ACTN4: variants seen among roughly 807,000 people sequenced by gnomAD.
ACTN4 encodes the protein alpha-actinin-4.
ACTN4 carries 18 observed loss-of-function variants against 114.2 expected under a neutral mutation model. That is an observed-to-expected ratio of 0.16 (90% confidence interval 0.11 to 0.23). The LOEUF (loss-of-function observed/expected upper bound fraction) is 0.23, where lower values mean the gene tolerates loss of function less well. Ranked by LOEUF, ACTN4 falls within the 10% of genes least tolerant of loss-of-function variation. The pLI, the probability that ACTN4 is intolerant of heterozygous loss-of-function variation, is 1.00. For synonymous variants in ACTN4, 515 were observed against 506.3 expected (o/e 1.02, Z -0.23); for missense variants, 722 against 1,262.9 (o/e 0.57, Z 6.49).
In ACTN4 at chr19:38,730,879, C is replaced by T; in HGVS notation, c.*1447C>T. 1 of 1,551,764 alleles carries T rather than the reference C, an allele frequency of 6.4e-7. No individual in the cohort carries two copies. The highest frequency in any genetic ancestry group is 8.7e-7 in the Non-Finnish European group (1 of 1,147,500). On this transcript the variant is annotated 3_prime_UTR_variant, in exon 21 of 21. Coordinates refer to ENST00000252699, the MANE Select transcript of ACTN4 (RefSeq NM_004924.6). ...AGGAGAAGGTGGCCACCTCCATCCACTAAGGAAGAGAAGGAAGACAGTGGC... is the reference window on the plus strand; with the variant it reads ...AGGAGAAGGTGGCCACCTCCATCCATTAAGGAAGAGAAGGAAGACAGTGGC...
rs775415162 is a variant in ACTN4 at position 38,700,771 on chromosome 19, C to T, written c.277+57C>T. On this transcript the variant is annotated intron_variant, in intron 2 of 20. Coordinates refer to ENST00000252699, the MANE Select transcript of ACTN4 (RefSeq NM_004924.6). Reference sequence around the variant, plus strand: ...CCCTGGCACAGGTGCTCTGCCACAGCGGTCCCCAGAGACCCTGCCCACCCA... The same window carrying T: ...CCCTGGCACAGGTGCTCTGCCACAGTGGTCCCCAGAGACCCTGCCCACCCA... 45 of 1,519,220 alleles carry T rather than the reference C, an allele frequency of 3.0e-5. 2 individuals are homozygous for T. In the Middle Eastern group the frequency reaches 9.2e-4, roughly 31 times the overall value. The allele number at this position is 1,519,220 out of a possible 1,614,324, so 94.1% of individuals were successfully genotyped here.
intron 1 of ACTN4, among the ~76,000 whole-genome samples, chr19:38,681,641 C>G: frequency 6.6e-6 from 1 of 152,202 alleles, no homozygotes; most frequent in African/African-American, 2.4e-5. Flanking sequence ...CCTTTGCTGT[C>G]CTCAGATCAC....
At chr19:38,705,196 G>T (rs1407439150) in intron 4 of ACTN4, among the ~76,000 whole-genome samples, 176 bp downstream of exon 4, 1 of 152,200 alleles carries the variant, frequency 6.6e-6, no homozygotes, top group Admixed American at 6.5e-5. Context: ...CCTCCCAGCT[G>T]CCTGCCTCTT....
rs1383573246 is a variant in ACTN4, at chr19:38,706,082, A to G, written c.523A>G (p.Arg175Gly). ...GGAAGGGCTCCTTCTCTGGTGCCAG[A>G]GAAAGACAGCCCCGTATAAGAACGT... ...AKEGLLLWCQ[R>G]KTAPYKNVNV... is the part of the protein sequence containing the mutation. Residue 175 changes from arginine (R) to glycine (G), a missense_variant, in exon 5 of 21, where the codon AGA becomes GGA. Arg to Gly is a moderately radical substitution (Grantham distance 125). Around this residue, in one of 3 missense-constraint regions of ACTN4, gnomAD observed 127 missense variants for 311.3 expected, o/e 0.41. Coordinates refer to ENST00000252699, the MANE Select transcript of ACTN4 (RefSeq NM_004924.6). 1.9e-6 allele frequency: 3 copies of G among 1,614,170 alleles called. No individual in the cohort carries two copies. Among genetic ancestry groups the G allele is most frequent in the Non-Finnish European group, 8.5e-7 (1 of 1,180,014 alleles).
rs1969510060 is a variant in ACTN4, at chr19:38,730,598, AG to A, written c.*1167del. 1.7e-6 allele frequency: 1 copy of A among 572,922 alleles called. No homozygotes were observed. The highest frequency in any genetic ancestry group is 1.9e-5 in the African/African-American group (1 of 53,502). 35.5% of individuals were successfully genotyped at this position (572,922 alleles called of 1,614,324 possible). A position where few individuals can be genotyped will look rare whatever the true frequency, so the allele number is the denominator to read the frequency against. ...CTCCACCTTCTAGGAGAGCCAGGGC[AG>A]AGCTAGCACTGTCTTAAGCTGTCAA... On this transcript the variant is annotated 3_prime_UTR_variant, in exon 21 of 21. Transcript: ENST00000252699.
Position 38,704,921 on chromosome 19 carries a change from T to G in ACTN4, c.398-13T>G, listed in dbSNP as rs2145009264. On this transcript the variant is annotated splice_polypyrimidine_tract_variant and intron_variant, in intron 3 of 20. Transcript: ENST00000252699. Reference sequence around the variant, plus strand: ...AACGACCTTCTGCCCTCTGCCCCCTTCCCTGTGTGCAGAGATTGTGGACGG... The same window carrying G: ...AACGACCTTCTGCCCTCTGCCCCCTGCCCTGTGTGCAGAGATTGTGGACGG... 1 of 1,612,288 alleles carries G rather than the reference T, an allele frequency of 6.2e-7. No individual in the cohort carries two copies. The highest frequency in any genetic ancestry group is 8.5e-7 in the Non-Finnish European group (1 of 1,178,280).
intron 4 of ACTN4, among the ~76,000 whole-genome samples, chr19:38,705,356 G>T (rs1390877280): frequency 6.6e-6 from 1 of 152,236 alleles, no homozygotes; most frequent in African/African-American, 2.4e-5. Flanking sequence ...AGTTGGGCCT[G>T]GGCCTGGTTC....
In ACTN4 at chr19:38,721,552, C is replaced by G; in HGVS notation, c.1306C>G (p.Leu436Val). The G allele has an allele frequency of 6.2e-7, 1 of 1,613,998 alleles. No homozygotes were observed. Among genetic ancestry groups the G allele is most frequent in the African/African-American group, 1.3e-5 (1 of 75,060 alleles). The stretch of plus-strand genomic sequence containing the variant: ...GCTCCTACCAGGGAAGGAAGCCATG[C>G]TGAAGCACCGGGACTACGAGACGGC... ...EAWTDGKEAM[L>V]KHRDYETATL... Residue 436 changes from leucine (L) to valine (V), a missense_variant, in exon 12 of 21, where the codon CTG (leucine) becomes GTG (valine). Transcript: ENST00000252699.
chr19:38,728,256 C>T lies in ACTN4; in HGVS notation c.2418+230C>T, dbSNP rs374889128. On this transcript the variant is annotated intron_variant, in intron 19 of 20. Transcript: ENST00000252699. ...CTGTCTGCCTGCTGTGCACATGGGGCGGCCCCTCTTGCCTACTCTGGGCCC... is the reference window on the plus strand; with the variant it reads ...CTGTCTGCCTGCTGTGCACATGGGGTGGCCCCTCTTGCCTACTCTGGGCCC... The T allele has an allele frequency of 1.2e-4, 182 of 1,505,388 alleles. No homozygotes were observed. The East Asian group carries it at 1.3e-3, about 11-fold the overall frequency. 93.3% of individuals were successfully genotyped at this position (1,505,388 alleles called of 1,614,324 possible).
In ACTN4 at chr19:38,729,039, AC is replaced by A; in HGVS notation, c.2464del (p.His822IlefsTer5). 1 of 1,613,360 alleles carries A rather than the reference AC, an allele frequency of 6.2e-7. No homozygotes were observed. Among genetic ancestry groups the A allele is most frequent in the South Asian group, 1.1e-5 (1 of 91,076 alleles). ...CGCATCATGAGCCTGGTCGACCCCA[AC>A]CATAGCGGCCTTGTGACCTTCCAAG... ...FNRIMSLVDP[N>X]HSGLVTFQAF... On this transcript the variant is annotated frameshift_variant, in exon 20 of 21. Coordinates refer to ENST00000252699, the MANE Select transcript of ACTN4 (RefSeq NM_004924.6). LOFTEE classifies it high-confidence loss of function.
In ACTN4 at chr19:38,691,418, A is replaced by C. The variant is rs1207970486; in HGVS notation, c.163-9182A>C. Among the ~76,000 whole-genome samples, 238 of 150,500 alleles carry C rather than the reference A, an allele frequency of 1.6e-3. 2 individuals carry two copies. Among genetic ancestry groups the C allele is most frequent in the Non-Finnish European group, 2.7e-3 (182 of 67,744 alleles). On this transcript the variant is annotated intron_variant, in intron 1 of 20. Transcript: ENST00000252699. Reference sequence around the variant, plus strand: ...CTCCGTCTCAAAAAAAAAAAAACAAAAAAAACAAAAAAAAAAACCCAACAA... The same window carrying C: ...CTCCGTCTCAAAAAAAAAAAAACAACAAAAACAAAAAAAAAAACCCAACAA...
chr19:38,663,120 G>A (rs1464511518), intron 1 of ACTN4, among the ~76,000 whole-genome samples: 1 of 151,976 alleles, frequency 6.6e-6, no homozygotes, highest in African/African-American at 2.4e-5. Context: ...CATGTTGGCC[G>A]GGCTGGTTGT....
At chr19:38,678,747 C>CAAAA (rs1967456937) in intron 1 of ACTN4, among the ~76,000 whole-genome samples, 1 of 152,156 alleles carries the variant, frequency 6.6e-6, no homozygotes, top group African/African-American at 2.4e-5. Context: ...CAGTGGTGAC[C>CAAAA]AATCCCGTGG....
At position 38,704,988 on chromosome 19, in the gene ACTN4, T is replaced by G; in HGVS notation, c.452T>G (p.Leu151Arg). ...CTGGGAATGATCTGGACCATCATCCTTAGGTTCGCCATCCAGGACATCTCC... is the reference window on the plus strand; with the variant it reads ...CTGGGAATGATCTGGACCATCATCCGTAGGTTCGCCATCCAGGACATCTCC... ...MTLGMIWTII[L>R]RFAIQDISVE... The change falls in exon 4 of 21, where the codon CTT (leucine) becomes CGT (arginine). Residue 151 changes from leucine (L) to arginine (R), a missense_variant. By Grantham distance (102) the Leu-to-Arg change is moderately radical. This residue lies in a region of ACTN4 where 127 missense variants were observed against 311.3 expected (regional missense o/e 0.41). Coordinates refer to ENST00000252699, the MANE Select transcript of ACTN4 (RefSeq NM_004924.6). 3 of 1,614,222 alleles carry G rather than the reference T, an allele frequency of 1.9e-6. No individual in the cohort carries two copies. The highest frequency in any genetic ancestry group is 2.5e-6 in the Non-Finnish European group (3 of 1,180,024).
At chr19:38,680,828 A>T (rs569081412) in intron 1 of ACTN4, among the ~76,000 whole-genome samples, 56 of 152,230 alleles carry the variant, frequency 3.7e-4, no homozygotes, top group African/African-American at 1.1e-3. Context: ...GTGAGGGTTT[A>T]AAAGTGCAGA....
rs1403524834 is a variant in ACTN4, at chr19:38,647,697, G to C, written c.-49G>C. On this transcript the variant is annotated 5_prime_UTR_variant, in exon 1 of 21. Transcript: ENST00000252699. ...GGCGGCGGCTCGGGCAGAGGGGCGGGAGCTGAGGCGGGAGCGGACAGGCTG... is the reference window on the plus strand; with the variant it reads ...GGCGGCGGCTCGGGCAGAGGGGCGGCAGCTGAGGCGGGAGCGGACAGGCTG... 3.3e-6 allele frequency: 5 copies of C among 1,518,412 alleles called. No homozygotes were observed. The highest frequency in any genetic ancestry group is 4.4e-6 in the Non-Finnish European group (5 of 1,134,388). The allele number at this position is 1,518,412 out of a possible 1,614,324, so 94.1% of individuals were successfully genotyped here.
chr19:38,725,093 A>G (rs1460748214), intron 16 of ACTN4, among the ~76,000 whole-genome samples: 2 of 152,182 alleles, frequency 1.3e-5, no homozygotes, highest in African/African-American at 4.8e-5. Context: ...TATTACTTCA[A>G]CAAATGCTTT....
chr19:38,711,235 C>G, intron 8 of ACTN4: 1 of 960,458 alleles, frequency 1.0e-6, no homozygotes, highest in Non-Finnish European at 1.2e-6. Flanking sequence ...GTCTTTCACT[C>G]TCTCCTGCCT....
intron 1 of ACTN4, among the ~76,000 whole-genome samples, chr19:38,663,319 C>T (rs750903579): frequency 2.2e-4 from 34 of 152,346 alleles, no homozygotes; most frequent in Non-Finnish European, 3.8e-4. Flanking sequence ...CAGCAGCCCT[C>T]GCTGGGCCCC....
Sources: gnomAD v4.1 joint callset for allele counts (sites outside exome capture counted in the v4.1 genomes callset) on GRCh38, gnomAD v4.1.1 for gene constraint, gnomAD v4.1.1 regional missense constraint, MANE v1.5 for transcripts, NCBI Gene and HGNC (gene_info 2026-07-23, HGNC 2026-07-21) for gene names.